ARHGAP15: variants seen among roughly 807,000 people sequenced by gnomAD.
The protein encoded by ARHGAP15 is rho GTPase-activating protein 15.
In ARHGAP15, 51 loss-of-function variants were observed where a neutral mutation model predicts 63.7. The ratio of observed to expected loss-of-function variants is 0.80; its 90% CI spans 0.64 to 1.01. The LOEUF is 1.01. Among genes scored for constraint, ARHGAP15 ranks in the 50% least tolerant of loss-of-function variants. ARHGAP15 has a pLI of 0.00. For synonymous variants in ARHGAP15, 191 were observed against 193.8 expected (o/e 0.99, Z 0.12); for missense variants, 560 against 564.6 (o/e 0.99, Z 0.08).
intron 10 of ARHGAP15, among the ~76,000 whole-genome samples, chr2:143,544,164 G>T (rs1276821173): frequency 6.6e-6 from 1 of 152,118 alleles, no homozygotes; most frequent in Non-Finnish European, 1.5e-5. Flanking sequence ...TCCAAATCTG[G>T]ATGTGATTTC....
At chr2:143,182,880 G>A (rs1344664353) in intron 2 of ARHGAP15, among the ~76,000 whole-genome samples, 2 of 152,140 alleles carry the variant, frequency 1.3e-5, no homozygotes, top group African/African-American at 4.8e-5. Context: ...GAATGAGCAG[G>A]ACCTCAGGGG....
intron 11 of ARHGAP15, among the ~76,000 whole-genome samples, chr2:143,558,942 C>G (rs1260269546): frequency 6.6e-6 from 1 of 152,138 alleles, no homozygotes; most frequent in Admixed American, 6.5e-5. Context: ...CACAATTACT[C>G]TCTTTCCTGG....
At chr2:143,477,530 A>C (rs1691880096) in intron 8 of ARHGAP15, among the ~76,000 whole-genome samples, 1 of 152,178 alleles carries the variant, frequency 6.6e-6, no homozygotes, top group South Asian at 2.1e-4. Flanking sequence ...AACATTTAAC[A>C]TACACAAAAA....
At chr2:143,299,635 C>A (rs1012492175) in intron 6 of ARHGAP15, among the ~76,000 whole-genome samples, 4 of 151,908 alleles carry the variant, frequency 2.6e-5, no homozygotes, top group African/African-American at 9.7e-5. Flanking sequence ...ATGGTACTCT[C>A]TCTCCTTTTC....
intron 6 of ARHGAP15, among the ~76,000 whole-genome samples, chr2:143,430,785 A>C (rs1204500375): frequency 6.6e-6 from 1 of 152,024 alleles, no homozygotes; most frequent in Non-Finnish European, 1.5e-5. Flanking sequence ...ACATAATAGC[A>C]ATTAAATTCC....
chr2:143,531,297 C>G (rs535938294), intron 10 of ARHGAP15, among the ~76,000 whole-genome samples: 1 of 152,150 alleles, frequency 6.6e-6, no homozygotes, highest in South Asian at 2.1e-4. Context: ...AAAAGGTAAG[C>G]TAGTAATGTC....
intron 13 of ARHGAP15, among the ~76,000 whole-genome samples, chr2:143,753,233 G>T (rs1466486178): frequency 6.6e-6 from 1 of 152,170 alleles, no homozygotes; most frequent in Non-Finnish European, 1.5e-5. Flanking sequence ...AAACCGTGAA[G>T]AAGATAGCTG....
At chr2:143,437,230 G>T in intron 8 of ARHGAP15, 188 bp downstream of exon 8, 1 of 567,938 alleles carries the variant, frequency 1.8e-6, no homozygotes, top group Non-Finnish European at 3.0e-6. Context: ...TGTTGGTAAT[G>T]CCTTTTGAGA....
chr2:143,570,083 TAATG>T (rs1696390040), intron 11 of ARHGAP15, among the ~76,000 whole-genome samples: 1 of 152,204 alleles, frequency 6.6e-6, no homozygotes, highest in South Asian at 2.1e-4. Context: ...TCCCATGAGA[TAATG>T]AACCTGTTAC....
At chr2:143,534,822 T>G (rs1008434349) in intron 10 of ARHGAP15, among the ~76,000 whole-genome samples, 2 of 151,788 alleles carry the variant, frequency 1.3e-5, no homozygotes, top group Non-Finnish European at 2.9e-5. Context: ...TTGAGGCTGC[T>G]GTGAGCTGTG....
intron 1 of ARHGAP15, among the ~76,000 whole-genome samples, chr2:143,131,261 G>A (rs890088280): frequency 6.6e-6 from 1 of 152,046 alleles, no homozygotes; most frequent in Admixed American, 6.6e-5. Flanking sequence ...GAGCAGTAAG[G>A]TACAAACCAA....
chr2:143,760,150 T>C (rs1315780707), intron 13 of ARHGAP15, among the ~76,000 whole-genome samples: 2 of 152,170 alleles, frequency 1.3e-5, no homozygotes, highest in African/African-American at 2.4e-5. Flanking sequence ...ACGCAATAGA[T>C]TTTTATGAAC....
At chr2:143,516,687 C>T (rs1483487170) in intron 9 of ARHGAP15, among the ~76,000 whole-genome samples, 1 of 152,108 alleles carries the variant, frequency 6.6e-6, no homozygotes, top group Admixed American at 6.6e-5. Flanking sequence ...AATTCTTCTT[C>T]CTGACTGTAA....
rs193272567 is a variant in ARHGAP15, at chr2:143,626,150, A to G, written c.1138+1883A>G. 9.2e-5 allele frequency among the ~76,000 whole-genome samples: 14 copies of G among 152,254 alleles called. No individual in the cohort carries two copies. The East Asian group carries it at 1.9e-3, about 21-fold the overall frequency. ...AGAGTTGAGGCAGCAGACTATTGGG[A>G]TTGATGGCTCTTGCAAGGGTTTCTG... is the stretch of plus-strand genomic sequence containing the variant. On this transcript the variant is annotated intron_variant, in intron 12 of 13. Transcript: ENST00000295095.
intron 13 of ARHGAP15, among the ~76,000 whole-genome samples, chr2:143,767,053 T>TG (rs1352165034): frequency 6.6e-6 from 1 of 152,190 alleles, no homozygotes; most frequent in Non-Finnish European, 1.5e-5. Context: ...TTATTTCCCT[T>TG]GGGTTTGGAT....
At chr2:143,722,940 A>T (rs973598073) in intron 13 of ARHGAP15, among the ~76,000 whole-genome samples, 2 of 152,202 alleles carry the variant, frequency 1.3e-5, no homozygotes, top group South Asian at 2.1e-4. Context: ...CAGTTGAAAA[A>T]TTTCTGCTTT....
At chr2:143,493,844 C>T (rs1574527319) in intron 9 of ARHGAP15, among the ~76,000 whole-genome samples, 2 of 152,272 alleles carry the variant, frequency 1.3e-5, no homozygotes, top group South Asian at 4.1e-4. Flanking sequence ...GAGTCCTCAA[C>T]GGTCTAAAAA....
At chr2:143,546,991 A>G (rs565153745) in intron 10 of ARHGAP15, among the ~76,000 whole-genome samples, 1 of 152,244 alleles carries the variant, frequency 6.6e-6, no homozygotes, top group East Asian at 1.9e-4. Flanking sequence ...ATCTCCAGAA[A>G]TCATTTCAAT....
chr2:143,767,525 G>T (rs1321876995), intron 13 of ARHGAP15, among the ~76,000 whole-genome samples: 1 of 152,158 alleles, frequency 6.6e-6, no homozygotes, highest in Non-Finnish European at 1.5e-5. Context: ...GTTAGCATTT[G>T]CCAGGAATAC....
Sources: allele counts gnomAD v4.1 joint callset (sites outside exome capture counted in the v4.1 genomes callset), GRCh38; gene constraint gnomAD v4.1.1; transcripts MANE v1.5; gene names NCBI Gene and HGNC (gene_info 2026-07-23, HGNC 2026-07-21).